The following CCDC146 variants were observed in gnomAD, a reference collection of about 807,000 sequenced individuals.
CCDC146 encodes the protein coiled-coil domain-containing protein 146.
CCDC146 carries 92 observed loss-of-function variants against 119.3 expected under a neutral mutation model. The observed-to-expected ratio is 0.77, with a 90% CI of 0.65 to 0.92. The LOEUF is 0.92. Ranked by LOEUF, CCDC146 falls within the 40% of genes least tolerant of loss-of-function variation. The pLI is 0.00. For missense variants in CCDC146, 1,000 were observed against 1,103.0 expected (o/e 0.91, Z 1.32); for synonymous variants, 372 against 371.8 (o/e 1.00, Z -0.01).
rs201763442 is a variant in CCDC146, at chr7:77,286,927, G to A, written c.2277+1G>A. 4.3e-6 allele frequency: 7 copies of A among 1,613,860 alleles called. No individual in the cohort carries two copies. Among genetic ancestry groups the A allele is most frequent in the Non-Finnish European group, 5.9e-6 (7 of 1,179,946 alleles). Reference sequence around the variant, plus strand: ...AGAAATGATCCAAAAATTAGACAAGGTAAACATTATTGCTTAAAATTGCAT... The same window carrying A: ...AGAAATGATCCAAAAATTAGACAAGATAAACATTATTGCTTAAAATTGCAT... On this transcript the variant is annotated splice_donor_variant, in intron 16 of 18. Transcript: ENST00000285871. LOFTEE classifies it high-confidence loss of function.
At chr7:77,228,733 A>G (rs1215790662) in intron 2 of CCDC146, among the ~76,000 whole-genome samples, 1 of 152,218 alleles carries the variant, frequency 6.6e-6, no homozygotes, top group Non-Finnish European at 1.5e-5. Context: ...AGGAATCACC[A>G]CTGTCTTCTA....
At chr7:77,145,334 G>T (rs902715720) in intron 1 of CCDC146, among the ~76,000 whole-genome samples, 26 of 151,610 alleles carry the variant, frequency 1.7e-4, no homozygotes, top group African/African-American at 4.9e-4. Flanking sequence ...CTTGCTAGTG[G>T]TCTATCAATT....
intron 1 of CCDC146, among the ~76,000 whole-genome samples, chr7:77,163,597 G>A (rs1044527963): frequency 6.6e-6 from 1 of 152,136 alleles, no homozygotes; most frequent in Non-Finnish European, 1.5e-5. Flanking sequence ...GCAAAGGAGT[G>A]CTATGCAGGT....
chr7:77,280,720 T>C, intron 14 of CCDC146, 67 bp downstream of exon 14: 1 of 1,086,254 alleles, frequency 9.2e-7, no homozygotes, highest in South Asian at 1.5e-5. Flanking sequence ...TTTTTCTATC[T>C]AGACTTGACA....
chr7:77,195,573 G>T (rs964180795), intron 2 of CCDC146: 1 of 152,156 alleles, frequency 6.6e-6, no homozygotes, highest in African/African-American at 2.4e-5. Flanking sequence ...ATTATAGCCT[G>T]AAAAGAGTGA....
chr7:77,279,003 C>A lies in CCDC146; in HGVS notation c.1596C>A (p.Leu532=). 2 of 1,612,492 alleles carry A rather than the reference C, an allele frequency of 1.2e-6. No individual in the cohort carries two copies. Among genetic ancestry groups the A allele is most frequent in the Non-Finnish European group, 1.7e-6 (2 of 1,179,334 alleles). ...RNERNKFVNL[L]HKAHQKVNEI... ...AAAGAAACAAATTTGTTAACTTACT[C>A]CACAAAGCTCATCAGAAAGTAAATG... is the stretch of plus-strand genomic sequence containing the variant. The change falls in exon 13 of 19, where the codon CTC becomes CTA. Residue 532 remains leucine, a synonymous_variant. Coordinates refer to ENST00000285871, the MANE Select transcript of CCDC146 (RefSeq NM_020879.3).
chr7:77,154,210 A>T (rs1010353738), intron 1 of CCDC146, among the ~76,000 whole-genome samples: 2 of 152,130 alleles, frequency 1.3e-5, no homozygotes, highest in African/African-American at 2.4e-5. Flanking sequence ...GAATTGTTCT[A>T]TGTGGTACTA....
At chr7:77,259,740 A>G (rs918593195) in intron 7 of CCDC146, among the ~76,000 whole-genome samples, 1 of 152,166 alleles carries the variant, frequency 6.6e-6, no homozygotes, top group Non-Finnish European at 1.5e-5. Flanking sequence ...AGGAGATGGT[A>G]GCAAATTGGG....
chr7:77,185,462 A>T (rs1185278735), intron 2 of CCDC146, among the ~76,000 whole-genome samples: 2 of 152,196 alleles, frequency 1.3e-5, no homozygotes, highest in Non-Finnish European at 2.9e-5. Flanking sequence ...AACTGTAGAT[A>T]AGAACTTCCA....
At chr7:77,291,051 C>T (rs1288896313) in intron 17 of CCDC146, among the ~76,000 whole-genome samples, 1 of 152,180 alleles carries the variant, frequency 6.6e-6, no homozygotes, top group African/African-American at 2.4e-5. Flanking sequence ...ATTCCAAGCA[C>T]TGTCCTGAGC....
intron 2 of CCDC146, among the ~76,000 whole-genome samples, chr7:77,236,094 T>TAAATAAATAAATAAATAAAC (rs6150171): frequency 2.6e-5 from 4 of 151,830 alleles, no homozygotes; most frequent in Non-Finnish European, 4.4e-5. Flanking sequence ...AATAAATAAA[T>TAAATAAATAAATAAATAAAC]GTAAGAACAA....
At chr7:77,123,847 C>G (rs914015136) in intron 1 of CCDC146, among the ~76,000 whole-genome samples, 2 of 152,178 alleles carry the variant, frequency 1.3e-5, no homozygotes, top group African/African-American at 4.8e-5. Context: ...CCTCCTTATT[C>G]TTCTTTCGGT....
rs575281367 is a variant in CCDC146, at chr7:77,264,932, A to T, written c.1173+2625A>T. Among the ~76,000 whole-genome samples, 3 of 152,324 alleles carry T rather than the reference A, an allele frequency of 2.0e-5. No homozygotes were observed. The South Asian group carries it at 6.2e-4, about 32-fold the overall frequency. ...CTTTGACTTACTAGAGTCAAATATA[A>T]GTTATTTGTATTTTTACTACTTCCA... On this transcript the variant is annotated intron_variant, in intron 9 of 18. Transcript: ENST00000285871.
chr7:77,287,371 A>G, intron 16 of CCDC146, 69 bp from the exon 17 acceptor site: 1 of 1,532,320 alleles, frequency 6.5e-7, no homozygotes, highest in South Asian at 1.2e-5. Flanking sequence ...ATACTGCTCT[A>G]ATTAGGAAAT....
rs569821137 is a variant in CCDC146 at position 77,284,269 on chromosome 7, T to A, written c.2148+1484T>A. On this transcript the variant is annotated intron_variant, in intron 15 of 18. Transcript: ENST00000285871. ...TGATATCAGATATCCATACTCTTCT[T>A]GGGGGCACTGGAGACGCTTCCCTGA... 2.0e-5 allele frequency among the ~76,000 whole-genome samples: 3 copies of A among 152,258 alleles called. No homozygotes were observed. The South Asian group carries it at 6.2e-4, about 32-fold the overall frequency.
intron 1 of CCDC146, among the ~76,000 whole-genome samples, chr7:77,134,444 T>C (rs1210487698): frequency 2.0e-5 from 3 of 152,154 alleles, no homozygotes; most frequent in Non-Finnish European, 4.4e-5. Context: ...TGATGGATAT[T>C]AATCCAACTA....
chr7:77,259,181 T>C, intron 7 of CCDC146, 113 bp downstream of exon 7: 1 of 643,520 alleles, frequency 1.6e-6, no homozygotes, highest in South Asian at 2.5e-5. Context: ...TTTTAGAAAT[T>C]TCTGCTTTGG....
At chr7:77,163,343 G>A (rs1791290737) in intron 1 of CCDC146, among the ~76,000 whole-genome samples, 1 of 152,054 alleles carries the variant, frequency 6.6e-6, no homozygotes, top group Non-Finnish European at 1.5e-5. Flanking sequence ...AGCTACTCTG[G>A]AGGCTGAGGC....
intron 2 of CCDC146, among the ~76,000 whole-genome samples, chr7:77,203,649 C>G (rs373070188): frequency 1.3e-5 from 2 of 152,270 alleles, no homozygotes; most frequent in East Asian, 3.9e-4. Flanking sequence ...TGCCTCTTCT[C>G]TCTTGCTGAA....
Sources: gnomAD v4.1 joint callset for allele counts (sites outside exome capture counted in the v4.1 genomes callset) on GRCh38, gnomAD v4.1.1 for gene constraint, MANE v1.5 for transcripts, NCBI Gene and HGNC (gene_info 2026-07-23, HGNC 2026-07-21) for gene names.